Variants in RASGRP2 observed in about 807,000 individuals in gnomAD.
RASGRP2 encodes RAS guanyl releasing protein 2, also known as RAS guanyl-releasing protein 2.
In RASGRP2, 44 loss-of-function variants were observed where a neutral mutation model predicts 71.0. The observed-to-expected ratio is 0.62, with a 90% CI of 0.49 to 0.80. RASGRP2 has a LOEUF of 0.80. Ranked by LOEUF, RASGRP2 falls within the 30% of genes least tolerant of loss-of-function variation. The pLI, the probability that RASGRP2 is intolerant of heterozygous loss-of-function variation, is 0.00. For missense variants in RASGRP2, 663 were observed against 813.4 expected, an observed-to-expected ratio of 0.82 and a Z score of 2.25; for synonymous variants, 350 against 330.7, an observed-to-expected ratio of 1.06 and a Z score of -0.63.
intron 5 of RASGRP2, 155 bp from the exon 6 acceptor site, chr11:64,740,318 A>C: frequency 7.0e-6 from 6 of 852,096 alleles, no homozygotes; most frequent in Non-Finnish European, 7.9e-6. Context: ...ACTCCTCCTC[A>C]TCTCCCCCGA....
Position 64,740,177 on chromosome 11 carries a change from G to A in RASGRP2, c.372-14C>T. On this transcript the variant is annotated splice_polypyrimidine_tract_variant and intron_variant, in intron 5 of 16. Coordinates refer to ENST00000394432, the MANE Select transcript of RASGRP2 (RefSeq NM_001098671.2). ...TTGTAGGTAGGGCTGGGGGGGCAGG[G>A]GTAGTGAGCCCTTTGCTGGACATGC... The A allele has an allele frequency of 6.2e-7, 1 of 1,613,892 alleles. No individual in the cohort carries two copies. The highest frequency in any genetic ancestry group is 8.5e-7 in the Non-Finnish European group (1 of 1,179,974).
At chr11:64,733,853 C>T (rs374909057) in intron 12 of RASGRP2, among the ~76,000 whole-genome samples, 113 of 135,644 alleles carry the variant, frequency 8.3e-4, no homozygotes, top group Middle Eastern at 3.8e-3. Context: ...CTTTTTTTTT[C>T]TTTTTTTTTT....
At position 64,735,955 on chromosome 11, in the gene RASGRP2, T is replaced by G; in HGVS notation, c.1121A>C (p.Glu374Ala). The change falls in exon 10 of 17, where the codon GAG becomes GCG. Residue 374 changes from glutamate (E) to alanine (A), a missense_variant. Physicochemically the swap from Glu to Ala is moderately radical, Grantham distance 107. Coordinates refer to ENST00000394432, the MANE Select transcript of RASGRP2 (RefSeq NM_001098671.2). This position sits in a 1 kb window ranked among gnomAD's most constrained non-coding sequence, Gnocchi z 4.2. ...CAGGGACAGCTGGTACAGCTCATCC[T>G]CCGTCTGATACTGATCCAGAGACAC... ...LTVSLDQYQT[E>A]DELYQLSLQR... is the part of the protein sequence containing the mutation. The G allele has an allele frequency of 6.2e-7, 1 of 1,613,980 alleles. No homozygotes were observed. Among genetic ancestry groups the G allele is most frequent in the Non-Finnish European group, 8.5e-7 (1 of 1,179,958 alleles).
chr11:64,742,689 T>TGGGTCCGGGTCAGGGC lies in RASGRP2; in HGVS notation c.73+89_73+104dup. ...AGAGACTGCACGCTGCGGAGCAGGG[T>TGGGTCCGGGTCAGGGC]GGGTCCGGGTCAGGGCTGTGCCCTG... On this transcript the variant is annotated intron_variant, in intron 2 of 16. Coordinates refer to ENST00000394432, the MANE Select transcript of RASGRP2 (RefSeq NM_001098671.2). The surrounding 1 kb of genome is among the most constrained non-coding windows in gnomAD (Gnocchi z 4.7). 6.2e-6 allele frequency: 9 copies of TGGGTCCGGGTCAGGGC among 1,450,414 alleles called. No individual in the cohort carries two copies. In the South Asian group the frequency reaches 1.1e-4, roughly 18 times the overall value. The allele number at this position is 1,450,414 out of a possible 1,614,324, so 89.8% of individuals were successfully genotyped here. A position where few individuals can be genotyped will look rare whatever the true frequency, so the allele number is the denominator to read the frequency against.
Position 64,735,678 on chromosome 11 carries a change from C to A in RASGRP2, c.1174-14G>T. 7 of 1,604,384 alleles carry A rather than the reference C, an allele frequency of 4.4e-6. No individual in the cohort carries two copies. Among genetic ancestry groups the A allele is most frequent in the South Asian group, 1.1e-5 (1 of 89,804 alleles). On this transcript the variant is annotated splice_polypyrimidine_tract_variant and intron_variant, in intron 10 of 16. Coordinates refer to ENST00000394432, the MANE Select transcript of RASGRP2 (RefSeq NM_001098671.2). This position sits in a 1 kb window ranked among gnomAD's most constrained non-coding sequence, Gnocchi z 4.2. ...GGGGCTGGTTGGCTATGGAAATGGT[C>A]GGGCCTGAGCTAGGGCCAGAGGCAG...
chr11:64,735,942 GT>G lies in RASGRP2; in HGVS notation c.1133del (p.Tyr378SerfsTer141). On this transcript the variant is annotated frameshift_variant, in exon 10 of 17. Transcript: ENST00000394432. LOFTEE classifies it high-confidence loss of function. This position sits in a 1 kb window ranked among gnomAD's most constrained non-coding sequence, Gnocchi z 4.2. The part of the protein sequence containing the change: ...LDQYQTEDEL[Y>X]QLSLQREPRS... The stretch of plus-strand genomic sequence containing the variant: ...GCGGCTCCCGCTGCAGGGACAGCTG[GT>G]ACAGCTCATCCTCCGTCTGATACTG... 6.2e-7 allele frequency: 1 copy of G among 1,614,018 alleles called. No individual in the cohort carries two copies. The highest frequency in any genetic ancestry group is 8.5e-7 in the Non-Finnish European group (1 of 1,179,974).
chr11:64,730,610 C>T (rs2083290055), intron 12 of RASGRP2, among the ~76,000 whole-genome samples: 2 of 152,262 alleles, frequency 1.3e-5, no homozygotes, highest in African/African-American at 4.8e-5. Flanking sequence ...ATCCCTCTCT[C>T]TCCTGCATCA....
chr11:64,735,551 C>G lies in RASGRP2; in HGVS notation c.1287G>C (p.Lys429Asn). The G allele has an allele frequency of 6.2e-7, 1 of 1,614,088 alleles. No individual in the cohort carries two copies. The highest frequency in any genetic ancestry group is 8.5e-7 in the Non-Finnish European group (1 of 1,179,988). ...CTCCGCAGGAGCTCACCTCCACCAT[C>G]TTCTCGATGTGCTCCACCACGAGGG... ...DQALVVEHIE[K>N]MVESVFRNFD... The change falls in exon 11 of 17, where the codon AAG becomes AAC. Residue 429 changes from lysine to asparagine, a missense_variant. Transcript: ENST00000394432. This position sits in a 1 kb window ranked among gnomAD's most constrained non-coding sequence, Gnocchi z 4.2.
chr11:64,728,514 G>A (rs2057648572), intron 15 of RASGRP2, among the ~76,000 whole-genome samples: 1 of 151,256 alleles, frequency 6.6e-6, no homozygotes, highest in South Asian at 2.1e-4. Flanking sequence ...TGCAAGCCCC[G>A]CCTCCCGGGT....
intron 12 of RASGRP2, among the ~76,000 whole-genome samples, chr11:64,734,047 C>T (rs1256326166): frequency 4.0e-5 from 6 of 151,876 alleles, no homozygotes; most frequent in Admixed American, 3.3e-4. Context: ...AGCAGTAGCT[C>T]ATGCCTGTAA....
upstream of RASGRP2, chr11:64,745,354 G>C (rs560100281): frequency 6.5e-6 from 1 of 152,692 alleles, no homozygotes; most frequent in African/African-American, 2.4e-5. Context: ...TGGAGGTCGG[G>C]GGCGTGGGGA....
chr11:64,743,916 C>A lies in RASGRP2; in HGVS notation c.-72+87G>T. The stretch of plus-strand genomic sequence containing the variant: ...GCACTTACACGCACCGGGCCACAGG[C>A]ACCGGCCTCCCATCCTCCGTCTCTC... On this transcript the variant is annotated intron_variant, in intron 1 of 16. Coordinates refer to ENST00000394432, the MANE Select transcript of RASGRP2 (RefSeq NM_001098671.2). This position sits in a 1 kb window ranked among gnomAD's most constrained non-coding sequence, Gnocchi z 4.9. The A allele has an allele frequency of 1.1e-6, 1 of 943,536 alleles. No homozygotes were observed. The highest frequency in any genetic ancestry group is 1.3e-6 in the Non-Finnish European group (1 of 781,996). 58.4% of individuals were successfully genotyped at this position (943,536 alleles called of 1,614,324 possible). A position where few individuals can be genotyped will look rare whatever the true frequency, so the allele number is the denominator to read the frequency against.
rs557432464 is a variant in RASGRP2, at chr11:64,739,053, G to A, written c.813+307C>T. On this transcript the variant is annotated intron_variant, in intron 8 of 16. Transcript: ENST00000394432. This position sits in a 1 kb window ranked among gnomAD's most constrained non-coding sequence, Gnocchi z 4.2. ...CTCAGGAGGCTGAGGTGGGAGGATCGATTGAGCTCAGGAGTTCAAGGCTGC... is the reference window on the plus strand; with the variant it reads ...CTCAGGAGGCTGAGGTGGGAGGATCAATTGAGCTCAGGAGTTCAAGGCTGC... Among the ~76,000 whole-genome samples, 55 of 151,594 alleles carry A rather than the reference G, an allele frequency of 3.6e-4. No homozygotes were observed. The highest frequency in any genetic ancestry group is 1.3e-3 in the African/African-American group (55 of 41,282).
Position 64,743,244 on chromosome 11 carries a change from C to T in RASGRP2, c.-71-307G>A, listed in dbSNP as rs1053491243. ...AGCCCCCCGCAGGGCGCCTTCTCCT[C>T]GCGCCCTCTCCCCAGAGGCACCTGC... On this transcript the variant is annotated intron_variant, in intron 1 of 16. Transcript: ENST00000394432. This position sits in a 1 kb window ranked among gnomAD's most constrained non-coding sequence, Gnocchi z 4.9. 5 of 494,096 alleles carry T rather than the reference C, an allele frequency of 1.0e-5. No individual in the cohort carries two copies. Among genetic ancestry groups the T allele is most frequent in the Non-Finnish European group, 2.0e-5 (5 of 252,162 alleles). 30.6% of individuals were successfully genotyped at this position (494,096 alleles called of 1,614,324 possible). A position where few individuals can be genotyped will look rare whatever the true frequency, so the allele number is the denominator to read the frequency against.
Position 64,742,899 on chromosome 11 carries a change from T to C in RASGRP2, c.-33A>G, listed in dbSNP as rs749796730. 24 of 1,559,742 alleles carry C rather than the reference T, an allele frequency of 1.5e-5. No homozygotes were observed. The highest frequency in any genetic ancestry group is 1.9e-5 in the Non-Finnish European group (22 of 1,157,298). On this transcript the variant is annotated 5_prime_UTR_variant, in exon 2 of 17. Transcript: ENST00000394432. The surrounding 1 kb of genome is among the most constrained non-coding windows in gnomAD (Gnocchi z 4.7). ...GGCGCGGGGTGGGCTGGGCCCAGGC[T>C]GCGCTCCGGGAGCCTCCCACCGGGC... is the stretch of plus-strand genomic sequence containing the variant.
intron 15 of RASGRP2, 146 bp from the exon 16 acceptor site, chr11:64,727,506 A>ATTTTTTTTTTTTTTTTTTTTTTTTTTTTT: frequency 3.5e-6 from 1 of 283,470 alleles, no homozygotes; most frequent in Non-Finnish European, 6.3e-6. Flanking sequence ...TCACAGCCCA[A>ATTTTTTTTTTTTTTTTTTTTTTTTTTTTT]TTTTTTTTTT....
intron 12 of RASGRP2, 141 bp from the exon 13 acceptor site, chr11:64,730,335 C>G (rs1386278209): frequency 9.2e-7 from 1 of 1,084,266 alleles, no homozygotes; most frequent in Non-Finnish European, 1.3e-6. Flanking sequence ...AAAGGCGGCA[C>G]TGGACTAGGG....
rs925562073 is a variant in RASGRP2, at chr11:64,743,214, C to T, written c.-71-277G>A. On this transcript the variant is annotated intron_variant, in intron 1 of 16. Coordinates refer to ENST00000394432, the MANE Select transcript of RASGRP2 (RefSeq NM_001098671.2). This position sits in a 1 kb window ranked among gnomAD's most constrained non-coding sequence, Gnocchi z 4.9. ...GAACCAAGATCCCAGGACTGGCTGG[C>T]GCCCAGCCCCCCGCAGGGCGCCTTC... 5.7e-6 allele frequency: 3 copies of T among 528,238 alleles called. No individual in the cohort carries two copies. The highest frequency in any genetic ancestry group is 7.3e-6 in the Non-Finnish European group (2 of 274,218). The allele number at this position is 528,238 out of a possible 1,614,324, so 32.7% of individuals were successfully genotyped here. A position where few individuals can be genotyped will look rare whatever the true frequency, so the allele number is the denominator to read the frequency against.
At position 64,730,042 on chromosome 11, in the gene RASGRP2, G is replaced by A. The variant is rs2057712325; in HGVS notation, c.1554+11C>T. On this transcript the variant is annotated intron_variant, in intron 13 of 16. Coordinates refer to ENST00000394432, the MANE Select transcript of RASGRP2 (RefSeq NM_001098671.2). ...GTGGCTTGGGCCGTGAGCCGGGAAAGGGACTCTCACCAGGGCTTTGCAGTG... is the reference window on the plus strand; with the variant it reads ...GTGGCTTGGGCCGTGAGCCGGGAAAAGGACTCTCACCAGGGCTTTGCAGTG... 6.5e-7 allele frequency: 1 copy of A among 1,550,172 alleles called. No homozygotes were observed. Among genetic ancestry groups the A allele is most frequent in the Non-Finnish European group, 8.7e-7 (1 of 1,147,402 alleles).
Sources: allele counts gnomAD v4.1 joint callset (sites outside exome capture counted in the v4.1 genomes callset), GRCh38; gene constraint gnomAD v4.1.1; non-coding constraint Gnocchi (gnomAD v3.1); transcripts MANE v1.5; gene names NCBI Gene and HGNC (gene_info 2026-07-23, HGNC 2026-07-21).